Variants in FGF13 observed in about 807,000 individuals in gnomAD.
FGF13 encodes the protein fibroblast growth factor 13.
FGF13 carries 2 observed loss-of-function variants against 19.5 expected under a neutral mutation model. That is an observed-to-expected ratio of 0.10 (90% confidence interval 0.04 to 0.32). The LOEUF (loss-of-function observed/expected upper bound fraction) is 0.32. FGF13 is among the 10% of genes least tolerant of loss of function. The pLI, the probability that FGF13 is intolerant of heterozygous loss-of-function variation, is 1.00. For synonymous variants in FGF13, 72 were observed against 76.9 expected (o/e 0.94, Z 0.33); for missense variants, 113 against 192.7 (o/e 0.59, Z 2.45).
At chrX:138,834,701 T>G (rs2091099235) in intron 3 of FGF13, among the ~76,000 whole-genome samples, 1 of 111,102 alleles carries the variant, frequency 9.0e-6, no homozygotes, top group Non-Finnish European at 1.9e-5. Context: ...TCTACTAGCT[T>G]CTGGATTTGT....
intron 1 of FGF13, among the ~76,000 whole-genome samples, chrX:139,197,748 T>C: frequency 9.0e-6 from 1 of 110,989 alleles, no homozygotes. Context: ...TCCCAGCACT[T>C]TGGGAGGCCG....
At chrX:139,150,465 C>G (rs1003528292) in intron 1 of FGF13, among the ~76,000 whole-genome samples, 1 of 112,197 alleles carries the variant, frequency 8.9e-6, no homozygotes, top group African/African-American at 3.2e-5. Context: ...GACTCCCTCC[C>G]TGGTGCTCAA....
chrX:138,930,750 G>A (rs1367367479), intron 1 of FGF13, among the ~76,000 whole-genome samples: 2 of 111,786 alleles, frequency 1.8e-5, no homozygotes, highest in African/African-American at 3.3e-5. Context: ...TTTACCAAAA[G>A]TGCATCACAG....
At position 138,711,534 on chromosome X, in the gene FGF13, G is replaced by A; in HGVS notation, c.-531C>T. On this transcript the variant is annotated 5_prime_UTR_variant, in exon 1 of 5. Transcript: ENST00000315930. ...AGCGCGCCCTCGCCCTGGCCCCTCCGAGTCTTCGACTAGTCCTTGCAACTT... is the reference window on the plus strand; with the variant it reads ...AGCGCGCCCTCGCCCTGGCCCCTCCAAGTCTTCGACTAGTCCTTGCAACTT... The A allele has an allele frequency of 1.3e-6, 1 of 756,230 alleles. No homozygotes were observed. The highest frequency in any genetic ancestry group is 1.6e-6 in the Non-Finnish European group (1 of 640,158). The allele number at this position is 756,230 out of a possible 1,213,427, so 62.3% of individuals were successfully genotyped here.
intron 1 of FGF13, among the ~76,000 whole-genome samples, chrX:139,036,318 A>T (rs1369329209): frequency 1.8e-5 from 2 of 110,998 alleles, no homozygotes; most frequent in Non-Finnish European, 3.8e-5. Context: ...ATTCTGCTCT[A>T]CCTCATCCTC....
At chrX:138,809,732 A>G (rs1364537859) in intron 3 of FGF13, among the ~76,000 whole-genome samples, 9 of 112,237 alleles carry the variant, frequency 8.0e-5, no homozygotes. Context: ...GCTGATAAGC[A>G]ACTTCAGGAA....
chrX:139,004,323 C>T (rs2092090614), intron 1 of FGF13, among the ~76,000 whole-genome samples: 2 of 112,853 alleles, frequency 1.8e-5, no homozygotes, highest in African/African-American at 6.4e-5. Context: ...GTTCTGAGTG[C>T]GGGGCCCGCC....
chrX:138,978,608 G>C (rs868623187), intron 1 of FGF13, among the ~76,000 whole-genome samples: 3 of 112,107 alleles, frequency 2.7e-5, no homozygotes, highest in African/African-American at 9.8e-5. Flanking sequence ...AATCAACAAT[G>C]ATGATAACAA....
chrX:138,701,933 T>C (rs1304648074), intron 3 of FGF13, among the ~76,000 whole-genome samples: 1 of 112,667 alleles, frequency 8.9e-6, no homozygotes, highest in African/African-American at 3.2e-5. Context: ...TTCTCCATTT[T>C]AAACATTCTT....
At chrX:139,078,120 G>A (rs887853926) in intron 1 of FGF13, among the ~76,000 whole-genome samples, 2 of 110,406 alleles carry the variant, frequency 1.8e-5, no homozygotes, top group Admixed American at 9.8e-5. Flanking sequence ...TCAGAAATTC[G>A]GAATGATTTA....
chrX:138,951,870 C>A (rs2091814726), intron 1 of FGF13, among the ~76,000 whole-genome samples: 1 of 111,165 alleles, frequency 9.0e-6, no homozygotes, highest in South Asian at 3.8e-4. Flanking sequence ...CCCAGGAAAT[C>A]CACATCTAGG....
chrX:138,887,106 C>T (rs2091455030), intron 1 of FGF13, among the ~76,000 whole-genome samples: 1 of 111,870 alleles, frequency 8.9e-6, no homozygotes, highest in African/African-American at 3.2e-5. Flanking sequence ...CCCTAAATTA[C>T]TAACTGAGCA....
At chrX:138,942,522 T>G (rs1484682158) in intron 1 of FGF13, among the ~76,000 whole-genome samples, 2 of 112,051 alleles carry the variant, frequency 1.8e-5, no homozygotes, top group Non-Finnish European at 3.8e-5. Flanking sequence ...TCTGGTCATT[T>G]GAGCAATAAG....
At chrX:138,736,269 T>G (rs1325236961) in intron 1 of FGF13, among the ~76,000 whole-genome samples, 6 of 112,126 alleles carry the variant, frequency 5.4e-5, no homozygotes, top group African/African-American at 1.9e-4. Context: ...TCTTCCAGTT[T>G]CTAAGGCAAA....
chrX:138,858,300 G>C (rs1426826106), intron 2 of FGF13, among the ~76,000 whole-genome samples: 1 of 112,033 alleles, frequency 8.9e-6, no homozygotes, highest in Non-Finnish European at 1.9e-5. Flanking sequence ...TTGTTGGATT[G>C]TAAAAGAGCC....
chrX:139,122,835 C>T (rs761150055), intron 1 of FGF13, among the ~76,000 whole-genome samples: 9 of 111,431 alleles, frequency 8.1e-5, no homozygotes, highest in Middle Eastern at 4.6e-3. Context: ...CTTGCAAACT[C>T]TATCATCAAA....
chrX:138,961,157 T>G (rs1157813389), intron 1 of FGF13, among the ~76,000 whole-genome samples: 1 of 111,644 alleles, frequency 9.0e-6, no homozygotes, highest in East Asian at 2.8e-4. Context: ...TTATCTACCT[T>G]TGGTCTTTGA....
intron 1 of FGF13, among the ~76,000 whole-genome samples, chrX:138,905,405 G>A (rs369058954): frequency 8.0e-5 from 9 of 112,081 alleles, no homozygotes; most frequent in African/African-American, 2.9e-4. Context: ...ATATTGCCAT[G>A]TGGATAAACT....
chrX:138,853,202 C>T (rs2091234533), downstream of FGF13, among the ~76,000 whole-genome samples: 1 of 111,594 alleles, frequency 9.0e-6, no homozygotes, highest in Admixed American at 9.5e-5. Context: ...CAAATTAATG[C>T]TGACACATTT....
Sources: gnomAD v4.1 joint callset for allele counts (sites outside exome capture counted in the v4.1 genomes callset) on GRCh38, gnomAD v4.1.1 for gene constraint, MANE v1.5 for transcripts, NCBI Gene and HGNC (gene_info 2026-07-23, HGNC 2026-07-21) for gene names.